Variants in ATG10 observed in about 807,000 individuals in gnomAD.
ATG10 encodes the protein ubiquitin-like-conjugating enzyme ATG10.
ATG10 carries 30 observed loss-of-function variants against 32.1 expected under a neutral mutation model. The ratio of observed to expected loss-of-function variants is 0.94; its 90% CI spans 0.70 to 1.27. ATG10 has a LOEUF of 1.27. Ranked by LOEUF, ATG10 falls within the 50% of genes most tolerant of loss-of-function variation. ATG10 has a pLI of 0.00. For missense variants in ATG10, 233 were observed against 262.3 expected (o/e 0.89, Z 0.77); for synonymous variants, 87 against 91.5 (o/e 0.95, Z 0.28).
At chr5:82,191,100 T>C (rs1288767066) in intron 5 of ATG10, among the ~76,000 whole-genome samples, 1 of 152,222 alleles carries the variant, frequency 6.6e-6, no homozygotes, top group Non-Finnish European at 1.5e-5. Flanking sequence ...CTCAAAGTGC[T>C]CACTGATACT....
chr5:81,973,536 C>T (rs923564694), intron 1 of ATG10, among the ~76,000 whole-genome samples: 5 of 152,186 alleles, frequency 3.3e-5, no homozygotes, highest in Admixed American at 3.3e-4. Context: ...CAGCTTGTTC[C>T]ATTGTGAGTT....
intron 4 of ATG10, among the ~76,000 whole-genome samples, chr5:82,169,103 G>A (rs1366187278): frequency 2.0e-5 from 3 of 152,148 alleles, no homozygotes; most frequent in Non-Finnish European, 4.4e-5. Context: ...CCAGTTTGGA[G>A]TAGGGGCTAA....
chr5:82,159,417 G>A (rs1254369096), intron 3 of ATG10, among the ~76,000 whole-genome samples: 1 of 152,122 alleles, frequency 6.6e-6, no homozygotes, highest in South Asian at 2.1e-4. Context: ...ATTGGGTAAG[G>A]CACCAACAGG....
At chr5:82,080,995 C>T (rs1764458165) in intron 3 of ATG10, among the ~76,000 whole-genome samples, 1 of 152,190 alleles carries the variant, frequency 6.6e-6, no homozygotes, top group Non-Finnish European at 1.5e-5. Context: ...TGTCCATGAG[C>T]ATGGAGTGTT....
At chr5:82,156,578 A>G (rs933201266) in intron 3 of ATG10, among the ~76,000 whole-genome samples, 1 of 152,162 alleles carries the variant, frequency 6.6e-6, no homozygotes, top group African/African-American at 2.4e-5. Context: ...AAATTACATG[A>G]TGTACATCAA....
intron 3 of ATG10, among the ~76,000 whole-genome samples, chr5:82,159,387 A>G (rs1465940363): frequency 6.6e-6 from 1 of 152,128 alleles, no homozygotes; most frequent in Non-Finnish European, 1.5e-5. Context: ...GAAACTCTGG[A>G]TAAGTGGGAG....
chr5:82,069,533 G>A (rs1385319926), intron 3 of ATG10, among the ~76,000 whole-genome samples: 3 of 152,100 alleles, frequency 2.0e-5, no homozygotes, highest in Admixed American at 6.6e-5. Context: ...TGGACTCTAA[G>A]CTCTGACTTG....
intron 5 of ATG10, among the ~76,000 whole-genome samples, chr5:82,237,179 A>G (rs763368887): frequency 1.3e-5 from 2 of 152,110 alleles, no homozygotes; most frequent in Admixed American, 6.6e-5. Context: ...AAACTTACCA[A>G]ACTTCTCAGT....
chr5:82,076,050 T>G (rs772321870), intron 3 of ATG10, among the ~76,000 whole-genome samples: 125 of 152,228 alleles, frequency 8.2e-4, no homozygotes, highest in Non-Finnish European at 1.6e-3. Context: ...GTAAAGTTAG[T>G]ATTTCCACAT....
intron 4 of ATG10, among the ~76,000 whole-genome samples, chr5:82,174,711 G>A (rs900468479): frequency 1.3e-5 from 2 of 152,142 alleles, no homozygotes; most frequent in Non-Finnish European, 2.9e-5. Context: ...GAATAATCAG[G>A]TAACCTCCCT....
intron 3 of ATG10, among the ~76,000 whole-genome samples, chr5:82,145,367 A>C (rs746164253): frequency 1.8e-4 from 28 of 151,960 alleles, no homozygotes; most frequent in Non-Finnish European, 2.5e-4. Flanking sequence ...ATTATTTTTT[A>C]GAATCTCACT....
chr5:82,030,084 T>A (rs964670579), intron 2 of ATG10, among the ~76,000 whole-genome samples: 1 of 152,128 alleles, frequency 6.6e-6, no homozygotes, highest in African/African-American at 2.4e-5. Context: ...CAGGCTGTTC[T>A]TATGGCCTGA....
chr5:82,084,635 C>T (rs549778003), intron 3 of ATG10, among the ~76,000 whole-genome samples: 32 of 152,268 alleles, frequency 2.1e-4, no homozygotes, highest in South Asian at 4.2e-4. Flanking sequence ...GCGGATCTCT[C>T]GGCAGAAACT....
At chr5:82,053,471 G>GT (rs5869102) in intron 2 of ATG10, among the ~76,000 whole-genome samples, 152,173 of 152,286 alleles carry the variant, frequency 1, 76,030 homozygotes, top group East Asian at 1. Context: ...TTAAGAATTC[G>GT]TTGCATGCCG....
intron 3 of ATG10, among the ~76,000 whole-genome samples, chr5:82,109,745 T>C: frequency 6.6e-6 from 1 of 151,390 alleles, no homozygotes; most frequent in Non-Finnish European, 1.5e-5. Context: ...TTCCCTTCCT[T>C]CTTTCCCCCC....
intron 5 of ATG10, among the ~76,000 whole-genome samples, chr5:82,222,284 T>C (rs1745959413): frequency 6.6e-6 from 1 of 152,238 alleles, no homozygotes; most frequent in African/African-American, 2.4e-5. Context: ...CTGGATCAAC[T>C]GTTGGCTTTT....
At chr5:82,216,258 AAG>A (rs1444004739) in intron 5 of ATG10, among the ~76,000 whole-genome samples, 1 of 152,240 alleles carries the variant, frequency 6.6e-6, no homozygotes, top group Non-Finnish European at 1.5e-5. Flanking sequence ...GGGCAACAAA[AAG>A]AGATTCAACT....
chr5:82,076,801 T>C (rs943350286), intron 3 of ATG10, among the ~76,000 whole-genome samples: 1 of 152,208 alleles, frequency 6.6e-6, no homozygotes, highest in Admixed American at 6.5e-5. Context: ...ATGTTAAATA[T>C]GTGAAGAGTA....
intron 1 of ATG10, among the ~76,000 whole-genome samples, chr5:81,974,407 C>T (rs1458541137): frequency 6.6e-6 from 1 of 152,168 alleles, no homozygotes; most frequent in Admixed American, 6.6e-5. Flanking sequence ...AATGTGCTTA[C>T]CTGATCACAT....
Sources: gnomAD v4.1 joint callset for allele counts (sites outside exome capture counted in the v4.1 genomes callset) on GRCh38, gnomAD v4.1.1 for gene constraint, MANE v1.5 for transcripts, NCBI Gene and HGNC (gene_info 2026-07-23, HGNC 2026-07-21) for gene names.